ROCK2: variants seen among roughly 807,000 people sequenced by gnomAD.
ROCK2 encodes the protein rho-associated protein kinase 2.
ROCK2 carries 61 observed loss-of-function variants against 195.1 expected under a neutral mutation model. The observed-to-expected ratio is 0.31, with a 90% CI of 0.25 to 0.39. ROCK2 has a LOEUF of 0.39. Ranked by LOEUF, ROCK2 falls within the 10% of genes least tolerant of loss-of-function variation. ROCK2 has a pLI of 1.00. For synonymous variants in ROCK2, 504 were observed against 545.5 expected (o/e 0.92, Z 1.06); for missense variants, 1,109 against 1,637.4 (o/e 0.68, Z 5.57).
Position 11,197,112 on chromosome 2 carries a change from C to A in ROCK2, c.3448+68G>T. On this transcript the variant is annotated intron_variant, in intron 27 of 32. Transcript: ENST00000315872. This position sits in a 1 kb window ranked among gnomAD's most constrained non-coding sequence, Gnocchi z 4.9. ...ACATTTTTCCTTCAGAGCAGTCAGT[C>A]GCAAGACTTAAAACAATCAACTGAT... 8.7e-7 allele frequency: 1 copy of A among 1,146,166 alleles called. No homozygotes were observed. The highest frequency in any genetic ancestry group is 2.2e-5 in the South Asian group (1 of 45,600). 71.0% of individuals were successfully genotyped at this position (1,146,166 alleles called of 1,614,324 possible).
chr2:11,185,554 C>A (rs1289572528), intron 32 of ROCK2, among the ~76,000 whole-genome samples: 3 of 152,068 alleles, frequency 2.0e-5, no homozygotes, highest in Non-Finnish European at 4.4e-5. Context: ...CATGGTGAAA[C>A]CATGTCTCTA....
At chr2:11,226,584 T>C (rs1159356876) in intron 6 of ROCK2, among the ~76,000 whole-genome samples, 2 of 152,110 alleles carry the variant, frequency 1.3e-5, no homozygotes, top group Non-Finnish European at 2.9e-5. Flanking sequence ...TTAAGTCTTA[T>C]ATTTAAATAT....
intron 1 of ROCK2, among the ~76,000 whole-genome samples, chr2:11,327,919 GTTTT>G (rs751419848): frequency 7.2e-5 from 11 of 152,030 alleles, no homozygotes; most frequent in Admixed American, 1.3e-4. Flanking sequence ...AATGAAGTTT[GTTTT>G]ATTTTGTTTT....
intron 3 of ROCK2, among the ~76,000 whole-genome samples, chr2:11,270,833 G>A (rs1319815150): frequency 1.3e-5 from 2 of 152,110 alleles, no homozygotes; most frequent in Admixed American, 6.5e-5. Flanking sequence ...TACCATGTTT[G>A]CTTCTAATGC....
intron 20 of ROCK2, among the ~76,000 whole-genome samples, chr2:11,203,361 A>AT (rs982285120): frequency 3.9e-5 from 6 of 152,238 alleles, no homozygotes; most frequent in African/African-American, 1.4e-4. Flanking sequence ...TTGTTCAGAT[A>AT]TATAGATAAA....
At chr2:11,218,667 T>C (rs3771109) in intron 10 of ROCK2, among the ~76,000 whole-genome samples, 3,752 of 152,318 alleles carry the variant, frequency 0.025, 65 homozygotes, top group East Asian at 0.053. Context: ...ATTTACAAAT[T>C]ATAGAAGTCA....
At chr2:11,248,725 AAAAAAAAAAAAAAG>A (rs1665717062) in intron 4 of ROCK2, among the ~76,000 whole-genome samples, 1 of 149,102 alleles carries the variant, frequency 6.7e-6, no homozygotes, top group Admixed American at 6.7e-5. Flanking sequence ...AAAAAAAAAA[AAAAAAAAAAAAAAG>A]AAAGAATGAA....
intron 3 of ROCK2, among the ~76,000 whole-genome samples, chr2:11,275,181 C>T (rs1226851837): frequency 2.6e-5 from 4 of 151,218 alleles, no homozygotes; most frequent in Non-Finnish European, 4.4e-5. Flanking sequence ...CGCTTGAACC[C>T]GGGAGGCAGA....
At chr2:11,237,609 T>A (rs1170933529) in intron 4 of ROCK2, among the ~76,000 whole-genome samples, 1 of 152,100 alleles carries the variant, frequency 6.6e-6, no homozygotes, top group Non-Finnish European at 1.5e-5. Context: ...GCAACAAACC[T>A]CTCAGCCAAC....
chr2:11,333,503 C>CA (rs1439931149), intron 1 of ROCK2, among the ~76,000 whole-genome samples: 2 of 151,618 alleles, frequency 1.3e-5, no homozygotes, highest in Non-Finnish European at 2.9e-5. Flanking sequence ...AGAGAACACA[C>CA]AAAAAAAGCA....
At chr2:11,189,364 T>C (rs1013066883) in intron 32 of ROCK2, among the ~76,000 whole-genome samples, 6 of 152,196 alleles carry the variant, frequency 3.9e-5, no homozygotes, top group African/African-American at 1.4e-4. Context: ...CCCATTTGTA[T>C]ACTGAATGGG....
At chr2:11,295,567 T>C (rs1396440150) in intron 1 of ROCK2, among the ~76,000 whole-genome samples, 1 of 152,184 alleles carries the variant, frequency 6.6e-6, no homozygotes, top group Non-Finnish European at 1.5e-5. Context: ...TATTTTGATA[T>C]TCATAATATC....
chr2:11,344,210 G>A lies in ROCK2; in HGVS notation c.-74C>T. ...AGCCTCGGGGCCTAGCACCGCCCCCGAACCACCAGCTCCGGCCGGGACTCC... is the reference window on the plus strand; with the variant it reads ...AGCCTCGGGGCCTAGCACCGCCCCCAAACCACCAGCTCCGGCCGGGACTCC... On this transcript the variant is annotated 5_prime_UTR_variant, in exon 1 of 33. Coordinates refer to ENST00000315872, the MANE Select transcript of ROCK2 (RefSeq NM_004850.5). The surrounding 1 kb of genome is among the most constrained non-coding windows in gnomAD (Gnocchi z 5.4). 1 of 1,340,462 alleles carries A rather than the reference G, an allele frequency of 7.5e-7. No individual in the cohort carries two copies. The highest frequency in any genetic ancestry group is 9.5e-7 in the Non-Finnish European group (1 of 1,049,718). The allele number at this position is 1,340,462 out of a possible 1,614,324, so 83.0% of individuals were successfully genotyped here. A position where few individuals can be genotyped will look rare whatever the true frequency, so the allele number is the denominator to read the frequency against.
chr2:11,209,792 T>C (rs1396695428), intron 18 of ROCK2, among the ~76,000 whole-genome samples: 1 of 152,198 alleles, frequency 6.6e-6, no homozygotes, highest in Non-Finnish European at 1.5e-5. Context: ...AGGTAAAAAT[T>C]AAACCTATGA....
At chr2:11,297,739 T>G (rs969853732) in intron 1 of ROCK2, among the ~76,000 whole-genome samples, 1 of 152,220 alleles carries the variant, frequency 6.6e-6, no homozygotes, top group African/African-American at 2.4e-5. Context: ...TTTTACCTTT[T>G]TGTGGCTATT....
intron 4 of ROCK2, among the ~76,000 whole-genome samples, chr2:11,238,398 C>G (rs1403724862): frequency 2.0e-5 from 3 of 152,108 alleles, no homozygotes; most frequent in Non-Finnish European, 4.4e-5. Flanking sequence ...ATCTCCATCT[C>G]AATCCCAGTG....
Position 11,265,865 on chromosome 2 carries a change from C to G in ROCK2, c.325-16067G>C, listed in dbSNP as rs962345319. On this transcript the variant is annotated intron_variant, in intron 3 of 32. Coordinates refer to ENST00000315872, the MANE Select transcript of ROCK2 (RefSeq NM_004850.5). ...ATCCCAGCAATTTAGGAGGCCAAAG[C>G]AGGAGGACTGCTTGAGGCCAGGAGT... Among the ~76,000 whole-genome samples, 45 of 151,508 alleles carry G rather than the reference C, an allele frequency of 3.0e-4. 1 individual carries two copies. The highest frequency in any genetic ancestry group is 1.1e-3 in the Admixed American group (17 of 15,214).
Position 11,201,063 on chromosome 2 carries a change from T to C in ROCK2, c.2804A>G (p.Gln935Arg). 6.2e-7 allele frequency: 1 copy of C among 1,613,730 alleles called. No homozygotes were observed. Among genetic ancestry groups the C allele is most frequent in the Non-Finnish European group, 8.5e-7 (1 of 1,179,846 alleles). Reference sequence around the variant, plus strand: ...CTTCTCTTTTTCCAAATCAGAATATTGTTCTTCAGCAATTGAACGAGCCAG... The same window carrying C: ...CTTCTCTTTTTCCAAATCAGAATATCGTTCTTCAGCAATTGAACGAGCCAG... Reference protein sequence around the residue: ...EQLARSIAEEQYSDLEKEKIM... With the variant: ...EQLARSIAEERYSDLEKEKIM... The change falls in exon 23 of 33, where the codon CAA becomes CGA. Residue 935 changes from glutamine (Q) to arginine (R), a missense_variant. Gln to Arg is a conservative substitution (Grantham distance 43). Coordinates refer to ENST00000315872, the MANE Select transcript of ROCK2 (RefSeq NM_004850.5). The surrounding 1 kb of genome is among the most constrained non-coding windows in gnomAD (Gnocchi z 4.6).
chr2:11,202,183 AAAGTAT>A (rs1663877385), intron 20 of ROCK2, 62 bp from the exon 21 acceptor site: 2 of 1,367,034 alleles, frequency 1.5e-6, no homozygotes, highest in South Asian at 2.3e-5. Flanking sequence ...AGCAGCTCTC[AAAGTAT>A]GGTCTGGGGG....
Sources: gnomAD v4.1 joint callset for allele counts (sites outside exome capture counted in the v4.1 genomes callset) on GRCh38, gnomAD v4.1.1 for gene constraint, Gnocchi (gnomAD v3.1) non-coding constraint, MANE v1.5 for transcripts, NCBI Gene and HGNC (gene_info 2026-07-23, HGNC 2026-07-21) for gene names.